The following PKD1L3 variants were observed in gnomAD, a reference collection of about 807,000 sequenced individuals.
PKD1L3 encodes polycystin 1 like 3, transient receptor potential channel interacting.
PKD1L3 carries 239 observed loss-of-function variants against 184.1 expected under a neutral mutation model. The ratio of observed to expected loss-of-function variants is 1.30; its 90% CI spans 1.17 to 1.45. PKD1L3 has a LOEUF of 1.45. Among genes scored for constraint, PKD1L3 ranks in the 40% most tolerant of loss-of-function variants. The pLI, the probability that PKD1L3 is intolerant of heterozygous loss-of-function variation, is 0.00. For synonymous variants in PKD1L3, 996 were observed against 778.8 expected, an observed-to-expected ratio of 1.28 and a Z score of -4.64; for missense variants, 2,660 against 2,067.2, an observed-to-expected ratio of 1.29 and a Z score of -5.56.
chr16:71,939,849 A>AT (rs1244416280), intron 24 of PKD1L3, among the ~76,000 whole-genome samples: 2 of 152,216 alleles, frequency 1.3e-5, no homozygotes, highest in Non-Finnish European at 2.9e-5. Flanking sequence ...AAATGCCACT[A>AT]TAATGAAAGT....
chr16:71,951,135 G>A (rs2038816102), intron 19 of PKD1L3, among the ~76,000 whole-genome samples: 1 of 151,912 alleles, frequency 6.6e-6, no homozygotes, highest in East Asian at 1.9e-4. Flanking sequence ...TGCCTCCTGA[G>A]TTCAAGCAAT....
At chr16:71,983,827 C>A (rs2040257815) in intron 6 of PKD1L3, among the ~76,000 whole-genome samples, 1 of 151,634 alleles carries the variant, frequency 6.6e-6, no homozygotes, top group African/African-American at 2.4e-5. Flanking sequence ...CCGAGCCCAG[C>A]TAATTTTTGT....
chr16:71,935,111 T>C (rs1037092241), intron 26 of PKD1L3, among the ~76,000 whole-genome samples: 3 of 152,240 alleles, frequency 2.0e-5, no homozygotes, highest in African/African-American at 7.2e-5. Flanking sequence ...TTCTGAAATT[T>C]AAATGCATTA....
At chr16:71,963,137 C>G in intron 16 of PKD1L3, 68 bp downstream of exon 16, 1 of 1,370,878 alleles carries the variant, frequency 7.3e-7, no homozygotes. Context: ...AAAAACAATT[C>G]AATCGTGAAC....
intron 9 of PKD1L3, 98 bp from the exon 10 acceptor site, chr16:71,978,481 G>GT (rs1268539983): frequency 1.1e-4 from 11 of 102,978 alleles, no homozygotes; most frequent in Non-Finnish European, 1.6e-4. Flanking sequence ...ATATATGTGT[G>GT]TGTGTGTGTG....
chr16:71,935,761 T>A (rs911410459), intron 25 of PKD1L3, among the ~76,000 whole-genome samples: 1 of 152,194 alleles, frequency 6.6e-6, no homozygotes, highest in African/African-American at 2.4e-5. Context: ...TTCTTGGAGA[T>A]CATAAACTGT....
chr16:71,948,958 AT>A (rs1482603993), intron 21 of PKD1L3, among the ~76,000 whole-genome samples: 1 of 151,916 alleles, frequency 6.6e-6, no homozygotes, highest in Non-Finnish European at 1.5e-5. Context: ...ATTTATATTT[AT>A]TTTCCATATC....
chr16:71,933,599 A>G, intron 27 of PKD1L3, 78 bp from the exon 28 acceptor site: 1 of 1,063,096 alleles, frequency 9.4e-7, no homozygotes, highest in Non-Finnish European at 1.4e-6. Context: ...GGATGTGGCC[A>G]ACATAGAAGC....
intron 25 of PKD1L3, among the ~76,000 whole-genome samples, chr16:71,935,824 C>G (rs368004328): frequency 6.6e-6 from 1 of 152,196 alleles, no homozygotes; most frequent in African/African-American, 2.4e-5. Flanking sequence ...GGGTCGCGCT[C>G]TGTTGCCCAG....
chr16:71,963,314 T>G lies in PKD1L3; in HGVS notation c.2503A>C (p.Lys835Gln). The G allele has an allele frequency of 6.4e-7, 1 of 1,551,366 alleles. No individual in the cohort carries two copies. The highest frequency in any genetic ancestry group is 8.7e-7 in the Non-Finnish European group (1 of 1,146,820). ...TTGCACAGGAAATGCCACTTCCTCT[T>G]AACTGCCATGTCACAGACAATTACC... ...SQVIVCDMAV[K>Q]RKWHFLCNCW... The change falls in exon 16 of 30, where the codon AAG (lysine) becomes CAG (glutamine). Residue 835 changes from lysine to glutamine, a missense_variant. Coordinates refer to ENST00000620267, the MANE Select transcript of PKD1L3 (RefSeq NM_181536.2).
At chr16:71,992,661 T>G (rs916861485) in intron 3 of PKD1L3, among the ~76,000 whole-genome samples, 1 of 152,222 alleles carries the variant, frequency 6.6e-6, no homozygotes, top group Non-Finnish European at 1.5e-5. Context: ...TATTCATGTC[T>G]CTAAATAAAA....
At chr16:71,961,578 G>C (rs2039281303) in intron 16 of PKD1L3, among the ~76,000 whole-genome samples, 1 of 152,030 alleles carries the variant, frequency 6.6e-6, no homozygotes, top group South Asian at 2.1e-4. Flanking sequence ...TAGGTGCTTT[G>C]TTGACAGCCA....
At chr16:71,981,013 CATA>C (rs1427834584) in intron 7 of PKD1L3, among the ~76,000 whole-genome samples, 2 of 152,184 alleles carry the variant, frequency 1.3e-5, no homozygotes, top group Non-Finnish European at 2.9e-5. Context: ...TTTCACCTGG[CATA>C]ATGTTTTCAA....
intron 2 of PKD1L3, among the ~76,000 whole-genome samples, chr16:71,997,767 A>ATAAATAAG (rs1451586000): frequency 6.6e-6 from 1 of 151,668 alleles, no homozygotes; most frequent in African/African-American, 2.4e-5. Flanking sequence ...AAATAAATAA[A>ATAAATAAG]TAAATAAATA....
At chr16:71,940,399 G>A (rs1295870466) in intron 24 of PKD1L3, among the ~76,000 whole-genome samples, 3 of 152,290 alleles carry the variant, frequency 2.0e-5, no homozygotes, top group African/African-American at 4.8e-5. Context: ...ATATACTCAA[G>A]ATTGGAGTTT....
In PKD1L3 at chr16:71,993,931, C is replaced by T. The variant is rs1050043513; in HGVS notation, c.419-599G>A. On this transcript the variant is annotated intron_variant, in intron 2 of 29. Transcript: ENST00000620267. ...CTGGGATTACAGGCACGTGCCACCA[C>T]GCCTAATTTTTTATTTTTAGTAGAA... Among the ~76,000 whole-genome samples the T allele has an allele frequency of 4.7e-4, 71 of 152,224 alleles. 1 individual carries two copies. Among genetic ancestry groups the T allele is most frequent in the African/African-American group, 1.4e-3 (58 of 41,544 alleles).
chr16:71,965,078 C>G (rs757205160), intron 15 of PKD1L3, among the ~76,000 whole-genome samples: 1 of 152,002 alleles, frequency 6.6e-6, no homozygotes, highest in Non-Finnish European at 1.5e-5. Context: ...AAACTCCTGA[C>G]CTCAAGTGAT....
intron 17 of PKD1L3, among the ~76,000 whole-genome samples, chr16:71,953,402 G>GAGGT (rs57492830): frequency 6.6e-6 from 1 of 152,074 alleles, no homozygotes; most frequent in Non-Finnish European, 1.5e-5. Context: ...ATAAAGAAAA[G>GAGGT]TTCTTCATGG....
In PKD1L3 at chr16:71,934,017, G is replaced by C. The variant is rs1360955395; in HGVS notation, c.4722C>G (p.Ser1574Arg). ...TCCTGCTGATGACCCGCAGCCTGGGGCTATGACGCAGCAGGTTCCATAACT... is the reference window on the plus strand; with the variant it reads ...TCCTGCTGATGACCCGCAGCCTGGGCCTATGACGCAGCAGGTTCCATAACT... The part of the protein sequence containing the change: ...TVQLWNLLRH[S>R]PRLRVISRTL... Residue 1574 changes from serine to arginine, a missense_variant, in exon 27 of 30, where the codon AGC becomes AGG. Coordinates refer to ENST00000620267, the MANE Select transcript of PKD1L3 (RefSeq NM_181536.2). 6.4e-7 allele frequency: 1 copy of C among 1,551,660 alleles called. No homozygotes were observed. The highest frequency in any genetic ancestry group is 1.4e-5 in the African/African-American group (1 of 73,046).
Sources: gnomAD v4.1 joint callset for allele counts (sites outside exome capture counted in the v4.1 genomes callset) on GRCh38, gnomAD v4.1.1 for gene constraint, MANE v1.5 for transcripts, NCBI Gene and HGNC (gene_info 2026-07-23, HGNC 2026-07-21) for gene names.